Variants in ROBO1 observed in about 807,000 individuals in gnomAD.
ROBO1 encodes the protein roundabout guidance receptor 1.
In ROBO1, 149 loss-of-function variants were observed where a neutral mutation model predicts 195.9. That is an observed-to-expected ratio of 0.76 (90% CI 0.67 to 0.87). ROBO1 has a LOEUF of 0.87. Ranked by LOEUF, ROBO1 falls within the 40% of genes least tolerant of loss-of-function variation. ROBO1 has a pLI of 0.00. For synonymous variants in ROBO1, 816 were observed against 733.2 expected, an observed-to-expected ratio of 1.11 and a Z score of -1.82; for missense variants, 1,933 against 2,068.3, an observed-to-expected ratio of 0.93 and a Z score of 1.27.
intron 2 of ROBO1, among the ~76,000 whole-genome samples, chr3:79,167,843 T>C (rs956086931): frequency 2.0e-5 from 3 of 152,206 alleles, no homozygotes; most frequent in Non-Finnish European, 2.9e-5. Flanking sequence ...GAATGCATTG[T>C]ACTTAATCAT....
At chr3:79,617,064 C>T (rs980499429) in intron 1 of ROBO1, among the ~76,000 whole-genome samples, 14 of 152,100 alleles carry the variant, frequency 9.2e-5, no homozygotes, top group African/African-American at 3.4e-4. Context: ...CTCATGAGCC[C>T]TGGGATGAGG....
At chr3:79,290,595 C>T (rs1211001833) in intron 2 of ROBO1, among the ~76,000 whole-genome samples, 1 of 152,154 alleles carries the variant, frequency 6.6e-6, no homozygotes, top group Non-Finnish European at 1.5e-5. Context: ...TGTGGACCCA[C>T]TCACTTACAT....
chr3:79,086,162 A>AATAAT (rs762134154), intron 3 of ROBO1, among the ~76,000 whole-genome samples: 2 of 151,932 alleles, frequency 1.3e-5, no homozygotes, highest in Admixed American at 1.3e-4. Context: ...TACAGAGGAC[A>AATAAT]ATAATATTGT....
At position 79,412,749 on chromosome 3, in the gene ROBO1, A is replaced by G. The variant is rs2037825101; in HGVS notation, c.88+177075T>C. ...AAATTCATGAAGCCGGCAAAATGTA[A>G]TGTACATTGCACATTCAAGGATCAT... On this transcript the variant is annotated intron_variant, in intron 2 of 30. Coordinates refer to ENST00000464233, the MANE Select transcript of ROBO1 (RefSeq NM_002941.4). 1.3e-5 allele frequency among the ~76,000 whole-genome samples: 2 copies of G among 152,040 alleles called. 1 individual carries two copies. The highest frequency in any genetic ancestry group is 4.1e-4 in the South Asian group (2 of 4,836).
chr3:79,535,674 T>C (rs1406477334), intron 2 of ROBO1, among the ~76,000 whole-genome samples: 1 of 152,166 alleles, frequency 6.6e-6, no homozygotes, highest in Non-Finnish European at 1.5e-5. Flanking sequence ...GAAATGTATT[T>C]TTTTTATGTA....
intron 4 of ROBO1, among the ~76,000 whole-genome samples, chr3:78,795,264 T>G (rs1207145526): frequency 6.6e-6 from 1 of 152,234 alleles, no homozygotes; most frequent in Admixed American, 6.5e-5. Flanking sequence ...GGCATCCATT[T>G]AATTATCTCC....
At chr3:79,214,559 T>C (rs2082020696) in intron 2 of ROBO1, among the ~76,000 whole-genome samples, 1 of 151,938 alleles carries the variant, frequency 6.6e-6, no homozygotes, top group African/African-American at 2.4e-5. Flanking sequence ...TTTCACACAA[T>C]GCCTGGCACA....
intron 1 of ROBO1, among the ~76,000 whole-genome samples, chr3:79,767,459 A>T (rs748311937): frequency 1.3e-5 from 2 of 152,206 alleles, no homozygotes; most frequent in African/African-American, 2.4e-5. Context: ...GCCGCAGCCT[A>T]CCTGGAACGG....
intron 2 of ROBO1, among the ~76,000 whole-genome samples, chr3:79,137,258 G>T (rs2080428735): frequency 6.6e-6 from 1 of 151,956 alleles, no homozygotes; most frequent in Non-Finnish European, 1.5e-5. Context: ...TGAAAACGTT[G>T]TCTTCCAATA....
intron 3 of ROBO1, among the ~76,000 whole-genome samples, chr3:79,072,586 G>C (rs924358615): frequency 5.9e-5 from 9 of 151,816 alleles, no homozygotes; most frequent in Non-Finnish European, 1.2e-4. Context: ...CTATAGTTCT[G>C]CCTGGCTCCT....
chr3:78,664,090 A>C (rs997814835), intron 14 of ROBO1, among the ~76,000 whole-genome samples: 4 of 152,204 alleles, frequency 2.6e-5, no homozygotes, highest in African/African-American at 9.7e-5. Context: ...AAATGTTCAC[A>C]GCAGAGAGAA....
intron 3 of ROBO1, among the ~76,000 whole-genome samples, chr3:79,103,789 G>T (rs1052754682): frequency 2.2e-4 from 34 of 151,804 alleles, no homozygotes; most frequent in African/African-American, 7.0e-4. Flanking sequence ...ATTACAGTTA[G>T]TAAATATGAG....
chr3:79,292,116 G>A (rs1209396214), intron 2 of ROBO1, among the ~76,000 whole-genome samples: 2 of 152,096 alleles, frequency 1.3e-5, no homozygotes, highest in Non-Finnish European at 2.9e-5. Context: ...GTATTCCTAG[G>A]TATTTTATTC....
intron 2 of ROBO1, among the ~76,000 whole-genome samples, chr3:79,388,870 G>A (rs939338521): frequency 6.6e-6 from 1 of 151,876 alleles, no homozygotes; most frequent in East Asian, 1.9e-4. Flanking sequence ...ATGTATGATG[G>A]GTATATATTT....
intron 3 of ROBO1, among the ~76,000 whole-genome samples, chr3:78,958,623 C>T (rs2041166461): frequency 6.6e-6 from 1 of 151,078 alleles, no homozygotes; most frequent in Non-Finnish European, 1.5e-5. Flanking sequence ...TAAAAAAATC[C>T]ACGATTTCAA....
chr3:79,562,489 T>C (rs963557014), intron 2 of ROBO1, among the ~76,000 whole-genome samples: 15 of 152,028 alleles, frequency 9.9e-5, no homozygotes, highest in African/African-American at 3.1e-4. Context: ...GTATATATCA[T>C]TGGGAAATCA....
chr3:79,421,690 T>TA (rs2038230617), intron 2 of ROBO1, among the ~76,000 whole-genome samples: 1 of 152,152 alleles, frequency 6.6e-6, no homozygotes, highest in Non-Finnish European at 1.5e-5. Flanking sequence ...AGGGTAACAA[T>TA]ACTATCTGAT....
At chr3:79,063,570 C>A (rs2078956612) in intron 3 of ROBO1, among the ~76,000 whole-genome samples, 2 of 150,110 alleles carry the variant, frequency 1.3e-5, no homozygotes, top group Admixed American at 1.3e-4. Flanking sequence ...ATGGTTAAAT[C>A]CAATGGTAAA....
At chr3:79,139,714 G>A (rs1346889945) in intron 2 of ROBO1, among the ~76,000 whole-genome samples, 2 of 152,016 alleles carry the variant, frequency 1.3e-5, no homozygotes, top group African/African-American at 2.4e-5. Context: ...GTTAATTTCC[G>A]GTCCATTTTA....
Sources: gnomAD v4.1 joint callset for allele counts (sites outside exome capture counted in the v4.1 genomes callset) on GRCh38, gnomAD v4.1.1 for gene constraint, MANE v1.5 for transcripts, NCBI Gene and HGNC (gene_info 2026-07-23, HGNC 2026-07-21) for gene names.